PTCHD4: variants seen among roughly 807,000 people sequenced by gnomAD.
PTCHD4 encodes patched domain containing 4.
A neutral mutation model predicts 58.1 loss-of-function variants in PTCHD4; 33 were observed. The ratio of observed to expected loss-of-function variants is 0.57; its 90% confidence interval spans 0.43 to 0.76. PTCHD4 has a LOEUF of 0.76. PTCHD4 is among the 30% of genes least tolerant of loss of function. The probability of loss-of-function intolerance (pLI) is 0.00; values close to 1 mark genes in which losing one functional copy is unlikely to be tolerated. For missense variants in PTCHD4, 1,058 were observed against 1,027.1 expected (o/e 1.03, Z -0.41); for synonymous variants, 478 against 409.6 (o/e 1.17, Z -2.02).
At chr6:47,904,003 A>G (rs1408265518) in intron 4 of PTCHD4, among the ~76,000 whole-genome samples, 1 of 152,188 alleles carries the variant, frequency 6.6e-6, no homozygotes, top group African/African-American at 2.4e-5. Flanking sequence ...GGGCAAAGGC[A>G]CTGAAGCAGG....
rs1350546868 is a variant in PTCHD4, at chr6:47,857,608, C to T, written c.*20695G>A. On this transcript the variant is annotated 3_prime_UTR_variant, in exon 5 of 5. Transcript: ENST00000339488. ...GCAGTGCTAACTCAATTTCATACCA[C>T]CGCAAAACTATGGTAAACCATAGTG... Among the ~76,000 whole-genome samples, 3 of 151,958 alleles carry T rather than the reference C, an allele frequency of 2.0e-5. No individual in the cohort carries two copies. The highest frequency in any genetic ancestry group is 7.2e-5 in the African/African-American group (3 of 41,388).
chr6:48,094,990 C>A (rs1216862482), intron 1 of PTCHD4, among the ~76,000 whole-genome samples: 2 of 152,080 alleles, frequency 1.3e-5, no homozygotes, highest in Non-Finnish European at 2.9e-5. Flanking sequence ...TCAATGCAAG[C>A]ACTGTCATTT....
chr6:47,913,749 T>C (rs1463273208), intron 4 of PTCHD4, among the ~76,000 whole-genome samples: 2 of 152,142 alleles, frequency 1.3e-5, no homozygotes, highest in Non-Finnish European at 2.9e-5. Context: ...AGAAAAAGTC[T>C]ATGAGCAGAG....
At chr6:48,017,673 C>A (rs918122607) in intron 3 of PTCHD4, among the ~76,000 whole-genome samples, 1 of 152,110 alleles carries the variant, frequency 6.6e-6, no homozygotes, top group African/African-American at 2.4e-5. Context: ...ACTGGAGTAG[C>A]CTCAAGTCAA....
At chr6:47,974,411 C>T (rs1767619685) in intron 4 of PTCHD4, among the ~76,000 whole-genome samples, 1 of 152,134 alleles carries the variant, frequency 6.6e-6, no homozygotes, top group African/African-American at 2.4e-5. Context: ...AAAGATAAAA[C>T]CATCTTTTGA....
chr6:47,939,381 A>C (rs1371090557), intron 4 of PTCHD4, among the ~76,000 whole-genome samples: 2 of 151,734 alleles, frequency 1.3e-5, no homozygotes, highest in Non-Finnish European at 2.9e-5. Flanking sequence ...AGGTACATTA[A>C]AGTCAGTAGT....
At chr6:47,890,904 C>G in intron 4 of PTCHD4, 1 of 984,512 alleles carries the variant, frequency 1.0e-6, no homozygotes, top group African/African-American at 1.7e-5. Context: ...CCATGCTTTT[C>G]AAGTTTTCGA....
intron 4 of PTCHD4, among the ~76,000 whole-genome samples, chr6:47,918,104 T>C (rs565998849): frequency 2.6e-5 from 4 of 152,118 alleles, no homozygotes; most frequent in Non-Finnish European, 5.9e-5. Context: ...CACAAAATCC[T>C]AGGATTTTTT....
At chr6:47,912,995 C>T (rs957627631) in intron 4 of PTCHD4, among the ~76,000 whole-genome samples, 4 of 152,120 alleles carry the variant, frequency 2.6e-5, no homozygotes, top group Non-Finnish European at 5.9e-5. Context: ...TCATCTTAGA[C>T]AGTCATCTCT....
chr6:47,997,072 T>A (rs937795356), intron 4 of PTCHD4, among the ~76,000 whole-genome samples: 2 of 152,084 alleles, frequency 1.3e-5, no homozygotes, highest in African/African-American at 4.8e-5. Flanking sequence ...AGGAAGGTAA[T>A]AGAATTATAG....
rs1034919799 is a variant in PTCHD4, at chr6:47,871,583, G to C, written c.*6720C>G. Among the ~76,000 whole-genome samples, 2 of 151,440 alleles carry C rather than the reference G, an allele frequency of 1.3e-5. No homozygotes were observed. The highest frequency in any genetic ancestry group is 1.5e-5 in the Non-Finnish European group (1 of 67,680). ...TTATGTTAACCAGAATGTATAAGTG[G>C]GACTGCATATAGGAGTGCTCATTTT... On this transcript the variant is annotated 3_prime_UTR_variant, in exon 5 of 5. Transcript: ENST00000339488.
At chr6:48,030,198 T>C (rs1468729781) in intron 3 of PTCHD4, among the ~76,000 whole-genome samples, 2 of 152,122 alleles carry the variant, frequency 1.3e-5, no homozygotes, top group Non-Finnish European at 2.9e-5. Flanking sequence ...AATCAGGCCA[T>C]GTTTAATGAG....
At chr6:48,108,100 G>A (rs1229374916) in intron 1 of PTCHD4, among the ~76,000 whole-genome samples, 2 of 152,078 alleles carry the variant, frequency 1.3e-5, no homozygotes, top group Non-Finnish European at 2.9e-5. Context: ...CCTATTACTG[G>A]GCATATACCC....
At chr6:47,893,300 C>A (rs996320958) in intron 4 of PTCHD4, among the ~76,000 whole-genome samples, 1 of 152,168 alleles carries the variant, frequency 6.6e-6, no homozygotes, top group Non-Finnish European at 1.5e-5. Context: ...CGAGCCACAA[C>A]GACCAGGTTG....
At chr6:47,907,263 A>G (rs866728219) in intron 4 of PTCHD4, among the ~76,000 whole-genome samples, 2 of 152,160 alleles carry the variant, frequency 1.3e-5, no homozygotes, top group African/African-American at 4.8e-5. Context: ...TGGTCTTGGT[A>G]TTATTTTACA....
chr6:48,058,525 T>C (rs1764499292), intron 3 of PTCHD4, among the ~76,000 whole-genome samples: 1 of 152,074 alleles, frequency 6.6e-6, no homozygotes, highest in Admixed American at 6.5e-5. Context: ...ATGCTTGGCT[T>C]GAATGAGAAT....
At chr6:48,100,934 T>C (rs980075657) in intron 1 of PTCHD4, among the ~76,000 whole-genome samples, 2 of 152,096 alleles carry the variant, frequency 1.3e-5, no homozygotes, top group Non-Finnish European at 2.9e-5. Flanking sequence ...TGTTTCATTA[T>C]GTCAAAATAA....
At chr6:47,937,590 A>G (rs935790924) in intron 4 of PTCHD4, among the ~76,000 whole-genome samples, 14 of 152,224 alleles carry the variant, frequency 9.2e-5, no homozygotes, top group African/African-American at 2.7e-4. Flanking sequence ...TATTAGGTCT[A>G]TGAGCATCAG....
chr6:47,886,064 C>T lies in PTCHD4; in HGVS notation c.899-6128G>A, dbSNP rs562567955. Reference sequence around the variant, plus strand: ...AACTCCCGACCTCAAGTAATCTGCCCGCCTCGGCCTCCCAAAGTGCTGGGA... The same window carrying T: ...AACTCCCGACCTCAAGTAATCTGCCTGCCTCGGCCTCCCAAAGTGCTGGGA... On this transcript the variant is annotated intron_variant, in intron 4 of 4. Coordinates refer to ENST00000339488, the MANE Select transcript of PTCHD4 (RefSeq NM_001384253.1). 3.6e-4 allele frequency among the ~76,000 whole-genome samples: 54 copies of T among 151,838 alleles called. No individual in the cohort carries two copies. In the East Asian group the frequency reaches 9.3e-3, roughly 26 times the overall value.
Sources: allele counts gnomAD v4.1 joint callset (sites outside exome capture counted in the v4.1 genomes callset), GRCh38; gene constraint gnomAD v4.1.1; transcripts MANE v1.5; gene names NCBI Gene and HGNC (gene_info 2026-07-23, HGNC 2026-07-21).